Variants in RBFOX1 observed in about 807,000 individuals in gnomAD.
The protein encoded by RBFOX1 is RNA binding protein fox-1 homolog 1.
In RBFOX1, 8 loss-of-function variants were observed where a neutral mutation model predicts 57.7. The observed-to-expected ratio is 0.14, with a 90% CI of 0.08 to 0.25. The LOEUF is 0.25. Among genes scored for constraint, RBFOX1 ranks in the 10% least tolerant of loss-of-function variants. RBFOX1 has a pLI of 1.00. For missense variants in RBFOX1, 611 were observed against 548.5 expected (o/e 1.11, Z -1.14); for synonymous variants, 326 against 222.4 (o/e 1.47, Z -4.15).
chr16:7,344,613 C>T (rs933411757), intron 4 of RBFOX1, among the ~76,000 whole-genome samples: 1 of 151,784 alleles, frequency 6.6e-6, no homozygotes, highest in African/African-American at 2.4e-5. Flanking sequence ...TCTACTCTTG[C>T]TACTATGACA....
intron 3 of RBFOX1, among the ~76,000 whole-genome samples, chr16:6,771,690 T>C (rs1055150865): frequency 1.3e-5 from 2 of 152,314 alleles, no homozygotes; most frequent in South Asian, 4.2e-4. Flanking sequence ...TCATAATTAG[T>C]GGAGCAAGGC....
intron 4 of RBFOX1, among the ~76,000 whole-genome samples, chr16:7,126,055 C>T (rs1312559732): frequency 6.6e-6 from 1 of 152,166 alleles, no homozygotes; most frequent in East Asian, 1.9e-4. Context: ...TGCACTGCAG[C>T]ATGGGCGACA....
chr16:6,725,058 CT>C (rs1170509941), intron 3 of RBFOX1, among the ~76,000 whole-genome samples: 1 of 31,202 alleles, frequency 3.2e-5, no homozygotes, highest in African/African-American at 9.2e-5. Context: ...TTTTTTTTTT[CT>C]TTTTTTTTTG....
intron 1 of RBFOX1, among the ~76,000 whole-genome samples, chr16:5,323,074 C>T (rs1292458561): frequency 6.6e-6 from 1 of 152,210 alleles, no homozygotes; most frequent in African/African-American, 2.4e-5. Flanking sequence ...GTTTCCTCAC[C>T]TGCAAAATGC....
chr16:7,255,600 C>T (rs1034635083), intron 4 of RBFOX1, among the ~76,000 whole-genome samples: 3 of 151,974 alleles, frequency 2.0e-5, no homozygotes, highest in African/African-American at 4.8e-5. Context: ...CATGCATGGG[C>T]GTATCCCTAA....
chr16:5,792,064 C>A (rs150733244), intron 3 of RBFOX1, among the ~76,000 whole-genome samples: 17 of 152,266 alleles, frequency 1.1e-4, no homozygotes, highest in African/African-American at 4.1e-4. Context: ...GCCTATAAAG[C>A]AAGCAAATTG....
At chr16:6,684,273 C>G (rs930521789) in intron 3 of RBFOX1, among the ~76,000 whole-genome samples, 3 of 152,076 alleles carry the variant, frequency 2.0e-5, no homozygotes, top group Non-Finnish European at 1.5e-5. Context: ...TGGCAGTGCA[C>G]GATAAAGAAA....
rs544873537 is a variant in RBFOX1, at chr16:6,392,151, G to A, written c.-64+75094G>A. Reference sequence around the variant, plus strand: ...GCCTGGGAGGGAAACTGGGGTGAATGTCCTAAATTGTTGTCTTTGAAAAGA... The same window carrying A: ...GCCTGGGAGGGAAACTGGGGTGAATATCCTAAATTGTTGTCTTTGAAAAGA... On this transcript the variant is annotated intron_variant, in intron 2 of 15. Coordinates refer to ENST00000550418, the MANE Select transcript of RBFOX1 (RefSeq NM_018723.4). Among the ~76,000 whole-genome samples the A allele has an allele frequency of 1.4e-4, 21 of 152,324 alleles. No homozygotes were observed. The South Asian group carries it at 3.1e-3, about 23-fold the overall frequency.
chr16:7,166,276 A>G (rs1238113531), intron 4 of RBFOX1, among the ~76,000 whole-genome samples: 1 of 146,194 alleles, frequency 6.8e-6, no homozygotes, highest in African/African-American at 2.4e-5. Context: ...GGACTTCCCA[A>G]GTGCTGGGAT....
intron 2 of RBFOX1, among the ~76,000 whole-genome samples, chr16:5,498,973 T>A (rs5007496): frequency 0.3 from 44,881 of 152,038 alleles, 12,448 homozygotes; most frequent in African/African-American, 0.74. Context: ...GCAGGTTGGT[T>A]AGGTGTGGAT....
chr16:5,537,688 G>A (rs1275718024), intron 2 of RBFOX1, among the ~76,000 whole-genome samples: 1 of 152,214 alleles, frequency 6.6e-6, no homozygotes, highest in Non-Finnish European at 1.5e-5. Flanking sequence ...CAAAGCCAAT[G>A]ATGGCTGGTT....
chr16:6,807,895 A>G (rs1567336115), intron 3 of RBFOX1, among the ~76,000 whole-genome samples: 1 of 102,498 alleles, frequency 9.8e-6, no homozygotes, highest in East Asian at 2.3e-4. Flanking sequence ...AATATATATT[A>G]TTGTGTGTGT....
intron 4 of RBFOX1, among the ~76,000 whole-genome samples, chr16:7,060,960 A>G (rs1190924791): frequency 1.3e-5 from 2 of 152,226 alleles, no homozygotes. Context: ...GGTGACTTAC[A>G]GAGAACCCTC....
chr16:6,124,769 C>A (rs986050236), intron 1 of RBFOX1, among the ~76,000 whole-genome samples: 1 of 152,150 alleles, frequency 6.6e-6, no homozygotes, highest in South Asian at 2.1e-4. Flanking sequence ...CTCAAGTGAT[C>A]TGCCCGCCTT....
chr16:6,281,159 T>A (rs1420525327), intron 1 of RBFOX1, among the ~76,000 whole-genome samples: 1 of 151,886 alleles, frequency 6.6e-6, no homozygotes, highest in Non-Finnish European at 1.5e-5. Flanking sequence ...GTGGGGGATG[T>A]TAGTAATGAG....
At chr16:5,766,817 G>A (rs1232303957) in intron 3 of RBFOX1, among the ~76,000 whole-genome samples, 1 of 152,144 alleles carries the variant, frequency 6.6e-6, no homozygotes, top group Admixed American at 6.5e-5. Context: ...AAGGCCCTCT[G>A]CTCTCTATCC....
At chr16:5,364,296 A>G (rs1020485629) in intron 1 of RBFOX1, among the ~76,000 whole-genome samples, 2 of 152,176 alleles carry the variant, frequency 1.3e-5, no homozygotes, top group Non-Finnish European at 2.9e-5. Flanking sequence ...GGGTGCACAG[A>G]AGGCGCATAG....
intron 2 of RBFOX1, among the ~76,000 whole-genome samples, chr16:6,447,386 T>A (rs565604065): frequency 4.6e-5 from 7 of 152,328 alleles, no homozygotes; most frequent in Non-Finnish European, 8.8e-5. Context: ...TTGAAGCTAA[T>A]TGGACTATAC....
chr16:6,654,102 GTTT>G (rs2098627566), intron 2 of RBFOX1, among the ~76,000 whole-genome samples: 1 of 125,408 alleles, frequency 8.0e-6, no homozygotes, highest in Non-Finnish European at 1.9e-5. Context: ...GGGCATGGCT[GTTT>G]GGGTGGATGG....
Sources: gnomAD v4.1 joint callset for allele counts (sites outside exome capture counted in the v4.1 genomes callset) on GRCh38, gnomAD v4.1.1 for gene constraint, MANE v1.5 for transcripts, NCBI Gene and HGNC (gene_info 2026-07-23, HGNC 2026-07-21) for gene names.